The following CDKAL1 variants were observed in gnomAD, a reference collection of about 807,000 sequenced individuals.
The protein encoded by CDKAL1 is threonylcarbamoyladenosine tRNA methylthiotransferase.
In CDKAL1, 32 loss-of-function variants were observed where a neutral mutation model predicts 68.2. The ratio of observed to expected loss-of-function variants is 0.47; its 90% CI spans 0.35 to 0.63. The LOEUF is 0.63. Ranked by LOEUF, CDKAL1 falls within the 30% of genes least tolerant of loss-of-function variation. The pLI is 0.00. For missense variants in CDKAL1, 606 were observed against 696.7 expected, an observed-to-expected ratio of 0.87 and a Z score of 1.47; for synonymous variants, 234 against 244.3, an observed-to-expected ratio of 0.96 and a Z score of 0.39.
chr6:20,959,065 TA>T (rs1720824499), intron 10 of CDKAL1, among the ~76,000 whole-genome samples: 1 of 152,206 alleles, frequency 6.6e-6, no homozygotes, highest in African/African-American at 2.4e-5. Flanking sequence ...GGATCACTTT[TA>T]AGGTTTCTTC....
intron 4 of CDKAL1, among the ~76,000 whole-genome samples, chr6:20,582,654 A>G (rs1019289390): frequency 6.6e-6 from 1 of 152,180 alleles, no homozygotes; most frequent in Admixed American, 6.5e-5. Flanking sequence ...GAGCCCCTCC[A>G]TTCTCATTAT....
chr6:20,780,670 C>CTTTTTTTTTT (rs1223553462), intron 7 of CDKAL1, among the ~76,000 whole-genome samples: 9 of 38,164 alleles, frequency 2.4e-4, no homozygotes, highest in African/African-American at 4.6e-4. Flanking sequence ...ATTTCTTTTT[C>CTTTTTTTTTT]TTTTTTTTTT....
intron 4 of CDKAL1, among the ~76,000 whole-genome samples, chr6:20,607,386 TC>T (rs1766378618): frequency 6.6e-6 from 1 of 152,224 alleles, no homozygotes; most frequent in Non-Finnish European, 1.5e-5. Flanking sequence ...TTTAAATTAT[TC>T]ATAGACTATC....
chr6:21,160,933 T>A (rs1776899500), intron 13 of CDKAL1, among the ~76,000 whole-genome samples: 1 of 151,756 alleles, frequency 6.6e-6, no homozygotes, highest in South Asian at 2.1e-4. Context: ...CATATTTTCA[T>A]TTAAACAGTG....
At chr6:20,940,917 C>G (rs1469717544) in intron 9 of CDKAL1, among the ~76,000 whole-genome samples, 1 of 151,940 alleles carries the variant, frequency 6.6e-6, no homozygotes, top group Admixed American at 6.6e-5. Flanking sequence ...AGTGAAACCG[C>G]GTCTCTACTA....
intron 11 of CDKAL1, among the ~76,000 whole-genome samples, chr6:21,045,174 A>G (rs780325789): frequency 6.6e-6 from 1 of 152,230 alleles, no homozygotes; most frequent in Non-Finnish European, 1.5e-5. Flanking sequence ...AAAAAGGACT[A>G]TAGCATGTGA....
rs75532102 is a variant in CDKAL1 at position 20,643,646 on chromosome 6, C to T, written c.287-5647C>T. Among the ~76,000 whole-genome samples the T allele has an allele frequency of 4.2e-3, 643 of 152,224 alleles. 10 individuals carry two copies. The highest frequency in any genetic ancestry group is 0.015 in the African/African-American group (603 of 41,536). The stretch of plus-strand genomic sequence containing the variant: ...TTTTCATTTTTAGTGAGTTTGTTTT[C>T]TGTGTTATTTCATAAATAAGGCCTC... On this transcript the variant is annotated intron_variant, in intron 4 of 15. Coordinates refer to ENST00000274695, the MANE Select transcript of CDKAL1 (RefSeq NM_017774.3).
At chr6:20,672,255 TTTCTTTC>T (rs1266668591) in intron 5 of CDKAL1, among the ~76,000 whole-genome samples, 1 of 122,864 alleles carries the variant, frequency 8.1e-6, no homozygotes, top group Non-Finnish European at 1.8e-5. Context: ...TCTTTCTTTC[TTTCTTTC>T]TTTTTCTTTT....
At chr6:21,112,701 T>C (rs181451533) in intron 13 of CDKAL1, among the ~76,000 whole-genome samples, 9 of 152,364 alleles carry the variant, frequency 5.9e-5, no homozygotes, top group Admixed American at 3.3e-4. Flanking sequence ...ATTAAACATG[T>C]ATGTATTTAT....
intron 4 of CDKAL1, among the ~76,000 whole-genome samples, chr6:20,578,655 G>T (rs1433024398): frequency 6.6e-6 from 1 of 152,152 alleles, no homozygotes; most frequent in Non-Finnish European, 1.5e-5. Context: ...CAGTCCCTAC[G>T]CTCAGTGCTT....
chr6:20,627,708 A>G (rs1767494285), intron 4 of CDKAL1, among the ~76,000 whole-genome samples: 1 of 152,214 alleles, frequency 6.6e-6, no homozygotes, highest in Non-Finnish European at 1.5e-5. Flanking sequence ...TGAGTGTTCC[A>G]ATCCATGAAT....
chr6:20,893,907 G>C (rs921370208), intron 9 of CDKAL1, among the ~76,000 whole-genome samples: 1 of 152,136 alleles, frequency 6.6e-6, no homozygotes, highest in Non-Finnish European at 1.5e-5. Context: ...AAAAGATTGA[G>C]TTGTTTCTTA....
intron 9 of CDKAL1, among the ~76,000 whole-genome samples, chr6:20,910,957 A>G (rs562778120): frequency 9.7e-4 from 147 of 152,256 alleles, no homozygotes; most frequent in African/African-American, 3.2e-3. Context: ...CCTGGAAGAG[A>G]TTGTCTCTTA....
intron 13 of CDKAL1, among the ~76,000 whole-genome samples, chr6:21,191,019 G>A (rs1778215560): frequency 6.6e-6 from 1 of 152,198 alleles, no homozygotes; most frequent in Non-Finnish European, 1.5e-5. Flanking sequence ...AGCCATATAT[G>A]AGTTTAAGAG....
intron 7 of CDKAL1, among the ~76,000 whole-genome samples, chr6:20,763,060 C>T (rs2150354182): frequency 6.6e-6 from 1 of 152,310 alleles, no homozygotes; most frequent in East Asian, 1.9e-4. Context: ...GTTTGTCCTT[C>T]CACATCTATT....
At chr6:21,214,874 GATGAATGAATGA>G (rs58042681) in intron 15 of CDKAL1, among the ~76,000 whole-genome samples, 55 of 149,670 alleles carry the variant, frequency 3.7e-4, no homozygotes, top group African/African-American at 7.9e-4. Flanking sequence ...ACGTCTGTTG[GATGAATGAATGA>G]ATGAATGAAT....
intron 13 of CDKAL1, among the ~76,000 whole-genome samples, chr6:21,126,178 A>G (rs1775002837): frequency 6.6e-6 from 1 of 152,202 alleles, no homozygotes; most frequent in Non-Finnish European, 1.5e-5. Context: ...TTTCATATTT[A>G]AAATCGATCT....
At chr6:20,779,457 A>G (rs1196221490) in intron 7 of CDKAL1, among the ~76,000 whole-genome samples, 1 of 152,222 alleles carries the variant, frequency 6.6e-6, no homozygotes, top group Non-Finnish European at 1.5e-5. Flanking sequence ...AGACTCTGAT[A>G]AGCTCAATTT....
At chr6:20,981,923 C>T (rs1766171699) in intron 10 of CDKAL1, among the ~76,000 whole-genome samples, 1 of 152,192 alleles carries the variant, frequency 6.6e-6, no homozygotes, top group Non-Finnish European at 1.5e-5. Context: ...TTTTGTTAGA[C>T]TCATCTTTGA....
Sources: allele counts gnomAD v4.1 joint callset (sites outside exome capture counted in the v4.1 genomes callset), GRCh38; gene constraint gnomAD v4.1.1; transcripts MANE v1.5; gene names NCBI Gene and HGNC (gene_info 2026-07-23, HGNC 2026-07-21).